The following CNTN5 variants were observed in gnomAD, a reference collection of about 807,000 sequenced individuals.
The protein encoded by CNTN5 is contactin 5, also known as contactin-5.
A neutral mutation model predicts 129.1 loss-of-function variants in CNTN5; 77 were observed. The ratio of observed to expected loss-of-function variants is 0.60; its 90% confidence interval spans 0.50 to 0.72. CNTN5 has a LOEUF of 0.72. CNTN5 is among the 30% of genes least tolerant of loss of function. The probability of loss-of-function intolerance (pLI) is 0.00; values close to 1 mark genes in which losing one functional copy is unlikely to be tolerated. For missense variants in CNTN5, 1,478 were observed against 1,328.8 expected (o/e 1.11, Z -1.75); for synonymous variants, 509 against 465.6 (o/e 1.09, Z -1.20).
chr11:99,254,456 A>G (rs1862275060), intron 1 of CNTN5, among the ~76,000 whole-genome samples: 1 of 151,992 alleles, frequency 6.6e-6, no homozygotes, highest in African/African-American at 2.4e-5. Flanking sequence ...TTGGAAAATT[A>G]AATCATGAGG....
intron 6 of CNTN5, among the ~76,000 whole-genome samples, chr11:99,874,219 A>G (rs951536942): frequency 2.6e-5 from 4 of 152,174 alleles, no homozygotes; most frequent in African/African-American, 7.2e-5. Context: ...AATAAAAAAG[A>G]TATGTCTGTT....
chr11:99,883,601 C>G (rs1282195733), intron 6 of CNTN5, among the ~76,000 whole-genome samples: 1 of 152,086 alleles, frequency 6.6e-6, no homozygotes. Context: ...CCCTATTAAA[C>G]AAAACAAAAC....
At chr11:100,339,535 AG>A in intron 21 of CNTN5, among the ~76,000 whole-genome samples, 3 of 152,284 alleles carry the variant, frequency 2.0e-5, no homozygotes, top group Middle Eastern at 3.4e-3. Flanking sequence ...ATTGGTAAAA[AG>A]GCATTATTCA....
At chr11:99,979,183 C>G (rs777172215) in intron 8 of CNTN5, among the ~76,000 whole-genome samples, 26 of 151,932 alleles carry the variant, frequency 1.7e-4, no homozygotes, top group Non-Finnish European at 1.5e-4. Flanking sequence ...CCCTTTGACT[C>G]TCGAAGAACT....
intron 9 of CNTN5, among the ~76,000 whole-genome samples, chr11:100,039,941 G>C (rs1354747424): frequency 6.6e-6 from 1 of 152,132 alleles, no homozygotes; most frequent in Non-Finnish European, 1.5e-5. Flanking sequence ...GGAGTAGTTT[G>C]ATTGTCTGAA....
intron 1 of CNTN5, among the ~76,000 whole-genome samples, chr11:99,290,513 G>A (rs991838101): frequency 6.6e-6 from 1 of 151,802 alleles, no homozygotes; most frequent in Non-Finnish European, 1.5e-5. Context: ...ATAGACAGAG[G>A]TGGTGTTTCA....
At chr11:99,512,291 G>A (rs564890851) in intron 2 of CNTN5, among the ~76,000 whole-genome samples, 33 of 152,244 alleles carry the variant, frequency 2.2e-4, no homozygotes, top group South Asian at 1.5e-3. Flanking sequence ...TGTGCAGCAC[G>A]GTAACATGCT....
At chr11:99,198,008 C>T (rs1858990568) in intron 1 of CNTN5, among the ~76,000 whole-genome samples, 1 of 152,112 alleles carries the variant, frequency 6.6e-6, no homozygotes, top group Non-Finnish European at 1.5e-5. Context: ...ATCCATGTTA[C>T]TGCTTTTGAT....
intron 3 of CNTN5, among the ~76,000 whole-genome samples, chr11:99,650,699 C>A (rs1952122583): frequency 6.6e-6 from 1 of 151,852 alleles, no homozygotes; most frequent in Admixed American, 6.6e-5. Flanking sequence ...CTTGTGTGAT[C>A]CTTCTACTAC....
intron 15 of CNTN5, among the ~76,000 whole-genome samples, chr11:100,210,175 A>T (rs879864890): frequency 0.28 from 19,382 of 69,486 alleles, 1,585 homozygotes; most frequent in Non-Finnish European, 0.33. Flanking sequence ...GCCTCTATAC[A>T]AAAAAAAAAA....
intron 3 of CNTN5, among the ~76,000 whole-genome samples, chr11:99,698,989 C>CT (rs1023977267): frequency 2.0e-5 from 3 of 149,424 alleles, no homozygotes; most frequent in Non-Finnish European, 4.5e-5. Flanking sequence ...AAAATTAAAA[C>CT]TTTTTTTTCC....
Position 99,189,162 on chromosome 11 carries a change from A to T in CNTN5, c.-209-136184A>T, listed in dbSNP as rs551397143. Among the ~76,000 whole-genome samples, 25 of 151,700 alleles carry T rather than the reference A, an allele frequency of 1.6e-4. No individual in the cohort carries two copies. In the South Asian group the frequency reaches 5.2e-3, roughly 32 times the overall value. On this transcript the variant is annotated intron_variant, in intron 1 of 24. Transcript: ENST00000524871. ...TCAACCATGTTACACAAATAACAGGATTTCTTTCTTAGGCTTTGGAGTGGA... is the reference window on the plus strand; with the variant it reads ...TCAACCATGTTACACAAATAACAGGTTTTCTTTCTTAGGCTTTGGAGTGGA...
At chr11:99,773,612 T>C (rs983455173) in intron 3 of CNTN5, among the ~76,000 whole-genome samples, 4 of 152,126 alleles carry the variant, frequency 2.6e-5, no homozygotes, top group African/African-American at 9.7e-5. Flanking sequence ...GTCATTTTAA[T>C]GTATAATTTT....
chr11:99,172,142 T>TG (rs1861177037), intron 1 of CNTN5, among the ~76,000 whole-genome samples: 1 of 152,224 alleles, frequency 6.6e-6, no homozygotes, highest in Non-Finnish European at 1.5e-5. Flanking sequence ...GGATAACCGT[T>TG]GCAGTTCTGC....
intron 3 of CNTN5, among the ~76,000 whole-genome samples, chr11:99,565,906 A>G (rs548117366): frequency 6.6e-6 from 1 of 152,324 alleles, no homozygotes; most frequent in African/African-American, 2.4e-5. Context: ...ACCATGTATG[A>G]CATCCGTTTA....
intron 2 of CNTN5, among the ~76,000 whole-genome samples, chr11:99,445,524 G>A (rs1944026923): frequency 6.6e-6 from 1 of 152,070 alleles, no homozygotes; most frequent in Admixed American, 6.6e-5. Context: ...TTAGTGCTGG[G>A]CATGTATGTA....
chr11:99,695,562 G>T (rs1030373770), intron 3 of CNTN5, among the ~76,000 whole-genome samples: 7 of 151,916 alleles, frequency 4.6e-5, no homozygotes, highest in African/African-American at 1.7e-4. Context: ...AAATCCATTA[G>T]ATTTAGAAAG....
rs551197121 is a variant in CNTN5, at chr11:99,975,314, G to A, written c.877+18305G>A. Among the ~76,000 whole-genome samples, 15 of 152,254 alleles carry A rather than the reference G, an allele frequency of 9.9e-5. No individual in the cohort carries two copies. The South Asian group carries it at 1.7e-3, about 17-fold the overall frequency. On this transcript the variant is annotated intron_variant, in intron 8 of 24. Transcript: ENST00000524871. Reference sequence around the variant, plus strand: ...TTACGTTTTAATGACTGCCTGGCTCGTTTTCGGACTTGCATGAGGCCTGTA... The same window carrying A: ...TTACGTTTTAATGACTGCCTGGCTCATTTTCGGACTTGCATGAGGCCTGTA...
chr11:100,045,976 T>C (rs1942648177), intron 9 of CNTN5, among the ~76,000 whole-genome samples: 1 of 152,092 alleles, frequency 6.6e-6, no homozygotes, highest in South Asian at 2.1e-4. Context: ...ATTATTATTA[T>C]ACTTTAAGTT....
Sources: allele counts gnomAD v4.1 joint callset (sites outside exome capture counted in the v4.1 genomes callset), GRCh38; gene constraint gnomAD v4.1.1; transcripts MANE v1.5; gene names NCBI Gene and HGNC (gene_info 2026-07-23, HGNC 2026-07-21).